The following ZNF589 variants were observed in gnomAD, a reference collection of about 807,000 sequenced individuals.
The protein encoded by ZNF589 is KRAB-zinc finger protein SZF1-1.
ZNF589 carries 17 observed loss-of-function variants against 13.6 expected under a neutral mutation model. The ratio of observed to expected loss-of-function variants is 1.25; its 90% CI spans 0.86 to 1.88. ZNF589 has a LOEUF of 1.88. Among genes scored for constraint, ZNF589 ranks in the 40% most tolerant of loss-of-function variants. ZNF589 has a pLI of 0.00. For missense variants in ZNF589, 407 were observed against 434.0 expected, an observed-to-expected ratio of 0.94 and a Z score of 0.55; for synonymous variants, 148 against 161.6, an observed-to-expected ratio of 0.92 and a Z score of 0.64.
intron 2 of ZNF589, chr3:48,256,842 G>C: frequency 2.2e-6 from 3 of 1,336,872 alleles, no homozygotes; most frequent in East Asian, 2.5e-5. Context: ...CTGAAACCAC[G>C]AGCTGGAAGC....
chr3:48,268,223 T>C lies in ZNF589; in HGVS notation c.532T>C (p.Ser178Pro), dbSNP rs770283280. The C allele has an allele frequency of 2.6e-5, 42 of 1,606,062 alleles. No homozygotes were observed. Among genetic ancestry groups the C allele is most frequent in the Non-Finnish European group, 3.5e-5 (41 of 1,175,740 alleles). Reference protein sequence around the residue: ...SSLFQRPPISSWGGNRILEIQ... With the variant: ...SSLFQRPPISPWGGNRILEIQ... The stretch of plus-strand genomic sequence containing the variant: ...CCTGTTCCAGAGACCACCAATAAGC[T>C]CTTGGGGAGGCAACAGAATATTAGA... Residue 178 changes from serine to proline, a missense_variant, in exon 4 of 4, where the codon TCT becomes CCT. Physicochemically the swap from Ser to Pro is moderately conservative, Grantham distance 74. Transcript: ENST00000354698.
At position 48,241,160 on chromosome 3, in the gene ZNF589, G is replaced by A; in HGVS notation, c.-12G>A. ...GCTACCTCGTTTGCTTCGTGCGTGC[G>A]TGCGCGCGCAGATGTGGGCCCCGCG... On this transcript the variant is annotated 5_prime_UTR_variant, in exon 1 of 4. The change creates a new upstream start codon in the 5' untranslated region. Coordinates refer to ENST00000354698, the MANE Select transcript of ZNF589 (RefSeq NM_016089.3). 2 of 1,601,262 alleles carry A rather than the reference G, an allele frequency of 1.2e-6. No individual in the cohort carries two copies. The highest frequency in any genetic ancestry group is 1.7e-6 in the Non-Finnish European group (2 of 1,173,706).
intron 1 of ZNF589, among the ~76,000 whole-genome samples, chr3:48,244,754 A>T (rs2106830136): frequency 6.6e-6 from 1 of 150,640 alleles, no homozygotes; most frequent in South Asian, 2.1e-4. Flanking sequence ...CTAATTCCCC[A>T]CAGTAACTGC....
At chr3:48,265,307 CAG>C (rs1253185134) in intron 3 of ZNF589, among the ~76,000 whole-genome samples, 6 of 76,536 alleles carry the variant, frequency 7.8e-5, no homozygotes, top group Admixed American at 6.5e-4. Context: ...TTTTTGGAGA[CAG>C]AGTTTCACTC....
Position 48,268,673 on chromosome 3 carries a change from A to G in ZNF589, c.982A>G (p.Arg328Gly). ...YLIRHQRTHTREKSFMCTVCG... is the reference protein window; with the variant it reads ...YLIRHQRTHTGEKSFMCTVCG... ...CATCAGACATCAGAGGACACACACA[A>G]GGGAGAAATCGTTTATGTGCACAGT... The change falls in exon 4 of 4, where the codon AGG (arginine) becomes GGG (glycine). Residue 328 changes from arginine to glycine, a missense_variant. By Grantham distance (125) the Arg-to-Gly change is moderately radical. Coordinates refer to ENST00000354698, the MANE Select transcript of ZNF589 (RefSeq NM_016089.3). 1 of 1,612,962 alleles carries G rather than the reference A, an allele frequency of 6.2e-7. No individual in the cohort carries two copies. The highest frequency in any genetic ancestry group is 8.5e-7 in the Non-Finnish European group (1 of 1,179,666).
chr3:48,254,962 A>G (rs1200233158), intron 2 of ZNF589, among the ~76,000 whole-genome samples: 2 of 151,644 alleles, frequency 1.3e-5, no homozygotes, highest in African/African-American at 2.4e-5. Context: ...ATATGTGTAC[A>G]TTTTCTTTTT....
intron 3 of ZNF589, among the ~76,000 whole-genome samples, chr3:48,266,966 A>T (rs967049078): frequency 6.6e-6 from 1 of 152,178 alleles, no homozygotes; most frequent in African/African-American, 2.4e-5. Flanking sequence ...AGAAGAAAGG[A>T]TGGATTGAGA....
chr3:48,246,381 C>T (rs2033765800), intron 1 of ZNF589, among the ~76,000 whole-genome samples: 1 of 152,198 alleles, frequency 6.6e-6, no homozygotes, highest in South Asian at 2.1e-4. Context: ...TTTAGAAATG[C>T]TGTTGTAATG....
chr3:48,247,508 G>A (rs2033782032), intron 1 of ZNF589, 117 bp from the exon 2 acceptor site: 1 of 1,040,816 alleles, frequency 9.6e-7, no homozygotes, highest in Non-Finnish European at 1.4e-6. Context: ...GGAGCTCAGG[G>A]TCTGGGTCAG....
rs2034084191 is a variant in ZNF589, at chr3:48,270,950, T to A, written c.*2164T>A. 2.0e-5 allele frequency: 4 copies of A among 197,210 alleles called. No homozygotes were observed. The South Asian group carries it at 3.2e-4, about 16-fold the overall frequency. 12.2% of individuals were successfully genotyped at this position (197,210 alleles called of 1,614,324 possible). A position where few individuals can be genotyped will look rare whatever the true frequency, so the allele number is the denominator to read the frequency against. ...TTCTTGGTCTTGCTGACTTCAAGAA[T>A]GAAGCCGTGGACCCTCACGGTGAGT... On this transcript the variant is annotated 3_prime_UTR_variant, in exon 4 of 4. Coordinates refer to ENST00000354698, the MANE Select transcript of ZNF589 (RefSeq NM_016089.3).
chr3:48,252,581 T>C (rs1238298604), intron 2 of ZNF589, among the ~76,000 whole-genome samples: 2 of 151,924 alleles, frequency 1.3e-5, no homozygotes, highest in Non-Finnish European at 2.9e-5. Context: ...ATTGAATTGC[T>C]TTGAATTTTT....
rs1050787353 is a variant in ZNF589 at position 48,269,223 on chromosome 3, C to T, written c.*437C>T. 1.1e-4 allele frequency: 157 copies of T among 1,375,040 alleles called. No individual in the cohort carries two copies. In the Admixed American group the frequency reaches 2.1e-3, roughly 18 times the overall value. The allele number at this position is 1,375,040 out of a possible 1,614,324, so 85.2% of individuals were successfully genotyped here. A position where few individuals can be genotyped will look rare whatever the true frequency, so the allele number is the denominator to read the frequency against. ...ACGGAGTGTGGGCAAGGCTTTATCACGAAATCACAGCTCATCAGACACCAG... is the reference window on the plus strand; with the variant it reads ...ACGGAGTGTGGGCAAGGCTTTATCATGAAATCACAGCTCATCAGACACCAG... On this transcript the variant is annotated 3_prime_UTR_variant, in exon 4 of 4. Transcript: ENST00000354698.
Position 48,268,569 on chromosome 3 carries a change from A to T in ZNF589, c.878A>T (p.Asn293Ile). ...TTTATAGTTGAGTCAGTCCTCCGCA[A>T]CCACCTGAGTACACACTCCGGGGAG... ...RGFIVESVLR[N>I]HLSTHSGEKP... Residue 293 changes from asparagine (N) to isoleucine (I), a missense_variant, in exon 4 of 4, where the codon AAC becomes ATC. Physicochemically the swap from Asn to Ile is moderately radical, Grantham distance 149. Transcript: ENST00000354698. The T allele has an allele frequency of 1.2e-6, 2 of 1,611,354 alleles. No individual in the cohort carries two copies. The highest frequency in any genetic ancestry group is 2.2e-5 in the South Asian group (2 of 90,926).
chr3:48,253,522 C>T (rs1217485256), intron 2 of ZNF589, among the ~76,000 whole-genome samples: 4 of 124,832 alleles, frequency 3.2e-5, no homozygotes, highest in Non-Finnish European at 6.4e-5. Flanking sequence ...TTTTTTGAGA[C>T]GGAGTCTCGC....
At chr3:48,245,618 G>A (rs1000373611) in intron 1 of ZNF589, among the ~76,000 whole-genome samples, 1 of 152,088 alleles carries the variant, frequency 6.6e-6, no homozygotes, top group African/African-American at 2.4e-5. Context: ...GACACCCAAG[G>A]ATCAGAAAAA....
Position 48,251,267 on chromosome 3 carries a change from C to T in ZNF589, c.96+3590C>T, listed in dbSNP as rs543825091. On this transcript the variant is annotated intron_variant, in intron 2 of 3. Transcript: ENST00000354698. ...GAAGTGATGCTGGAAAATCTCAGCACGCAACTGTAGTTCCAGCTACTCGGG... is the reference window on the plus strand; with the variant it reads ...GAAGTGATGCTGGAAAATCTCAGCATGCAACTGTAGTTCCAGCTACTCGGG... 1.8e-4 allele frequency among the ~76,000 whole-genome samples: 28 copies of T among 152,144 alleles called. No homozygotes were observed. In the South Asian group the frequency reaches 3.5e-3, roughly 19 times the overall value.
intron 2 of ZNF589, among the ~76,000 whole-genome samples, chr3:48,254,424 T>C (rs2033875068): frequency 6.6e-6 from 1 of 152,240 alleles, no homozygotes; most frequent in South Asian, 2.1e-4. Flanking sequence ...TCAACTTTAT[T>C]CTTCAGTATT....
chr3:48,241,244 C>A (rs755594747), intron 1 of ZNF589, 30 bp downstream of exon 1: 5 of 1,607,304 alleles, frequency 3.1e-6, no homozygotes, highest in Non-Finnish European at 3.4e-6. Flanking sequence ...TCGCCTCCCC[C>A]ATTCGGTGCT....
At chr3:48,252,083 T>G (rs1231288780) in intron 2 of ZNF589, among the ~76,000 whole-genome samples, 1 of 152,102 alleles carries the variant, frequency 6.6e-6, no homozygotes, top group African/African-American at 2.4e-5. Flanking sequence ...CTCGGTGCTC[T>G]GTTCTGCTCC....
Sources: gnomAD v4.1 joint callset for allele counts (sites outside exome capture counted in the v4.1 genomes callset) on GRCh38, gnomAD v4.1.1 for gene constraint, MANE v1.5 for transcripts, NCBI Gene and HGNC (gene_info 2026-07-23, HGNC 2026-07-21) for gene names.